Variants in ESS2 observed in about 807,000 individuals in gnomAD.
ESS2 encodes the protein splicing factor ESS-2 homolog.
A neutral mutation model predicts 52.0 loss-of-function variants in ESS2; 31 were observed. The ratio of observed to expected loss-of-function variants is 0.60; its 90% CI spans 0.45 to 0.81. The LOEUF (loss-of-function observed/expected upper bound fraction) is 0.81, where lower values mean the gene tolerates loss of function less well. Among genes scored for constraint, ESS2 ranks in the 30% least tolerant of loss-of-function variants. ESS2 has a pLI of 0.00. For missense variants in ESS2, 602 were observed against 637.2 expected, an observed-to-expected ratio of 0.94 and a Z score of 0.59; for synonymous variants, 285 against 259.2, an observed-to-expected ratio of 1.10 and a Z score of -0.95.
At chr22:19,141,532 TGAC>T (rs988983512) in intron 3 of ESS2, among the ~76,000 whole-genome samples, 27 of 152,340 alleles carry the variant, frequency 1.8e-4, no homozygotes, top group African/African-American at 6.3e-4. Context: ...ATGCTGAAGA[TGAC>T]AACTCTTTCA....
chr22:19,131,183 T>C lies in ESS2; in HGVS notation c.*3013A>G. The stretch of plus-strand genomic sequence containing the variant: ...CTGGCTTCCACGGTTCCAGAGACCC[T>C]GTTCTCCCTCAGCCCAGTCCCCGCC... On this transcript the variant is annotated 3_prime_UTR_variant, in exon 10 of 10. Coordinates refer to ENST00000252137, the MANE Select transcript of ESS2 (RefSeq NM_022719.3). The surrounding 1 kb of genome is among the most constrained non-coding windows in gnomAD (Gnocchi z 5.7). 1 of 541,620 alleles carries C rather than the reference T, an allele frequency of 1.8e-6. No homozygotes were observed. Among genetic ancestry groups the C allele is most frequent in the Non-Finnish European group, 3.3e-6 (1 of 306,058 alleles). 33.6% of individuals were successfully genotyped at this position (541,620 alleles called of 1,614,324 possible). A position where few individuals can be genotyped will look rare whatever the true frequency, so the allele number is the denominator to read the frequency against.
intron 8 of ESS2, among the ~76,000 whole-genome samples, chr22:19,137,081 C>G (rs1027378820): frequency 2.6e-5 from 4 of 152,166 alleles, no homozygotes; most frequent in Non-Finnish European, 5.9e-5. Context: ...ACCCGGCCTC[C>G]AGGATCCAGA....
chr22:19,134,059 C>T lies in ESS2; in HGVS notation c.*137G>A, dbSNP rs1373906027. On this transcript the variant is annotated 3_prime_UTR_variant, in exon 10 of 10. Coordinates refer to ENST00000252137, the MANE Select transcript of ESS2 (RefSeq NM_022719.3). ...TGCCAGTCTGGCCCCAGCACAGCCC[C>T]TTTCTCCAGTGACTCCTGGTATGGT... is the stretch of plus-strand genomic sequence containing the variant. 4 of 1,110,266 alleles carry T rather than the reference C, an allele frequency of 3.6e-6. No homozygotes were observed. Among genetic ancestry groups the T allele is most frequent in the Non-Finnish European group, 4.7e-6 (4 of 852,472 alleles). 68.8% of individuals were successfully genotyped at this position (1,110,266 alleles called of 1,614,324 possible).
intron 1 of ESS2, chr22:19,143,994 A>G: frequency 1.0e-6 from 1 of 981,736 alleles, no homozygotes; most frequent in Middle Eastern, 5.2e-4. Flanking sequence ...CCGTCCGTTA[A>G]AGCCATCCAT....
At chr22:19,144,285 CAA>C (rs1456236447) in intron 1 of ESS2, 1 of 1,323,812 alleles carries the variant, frequency 7.6e-7, no homozygotes, top group African/African-American at 1.5e-5. Flanking sequence ...CCGTCCCATA[CAA>C]AGAGAGCCGC....
Position 19,139,848 on chromosome 22 carries a change from G to C in ESS2, c.570+7C>G. 9 of 1,614,064 alleles carry C rather than the reference G, an allele frequency of 5.6e-6. No individual in the cohort carries two copies. In the South Asian group the frequency reaches 6.6e-5, roughly 12 times the overall value. ...CGCCTATGTGACACCCCAGACCCCA[G>C]AGACACCTTCTCAAACTCTTCCTCA... On this transcript the variant is annotated splice_region_variant and intron_variant, in intron 4 of 9. Coordinates refer to ENST00000252137, the MANE Select transcript of ESS2 (RefSeq NM_022719.3).
At chr22:19,143,302 C>G (rs943096181) in intron 1 of ESS2, among the ~76,000 whole-genome samples, 4 of 152,126 alleles carry the variant, frequency 2.6e-5, no homozygotes, top group African/African-American at 7.2e-5. Flanking sequence ...CTTGCTGAAC[C>G]TCCTTCAAAT....
Position 19,140,020 on chromosome 22 carries a change from C to A in ESS2, c.405G>T (p.Glu135Asp), listed in dbSNP as rs1306774936. 6.2e-7 allele frequency: 1 copy of A among 1,613,698 alleles called. No homozygotes were observed. ...GCTCCTTCTCCTCCTCCTCTCCAGC[C>A]TCTCCTGCTTAGGGGTTGCGGGAGG... Reference protein sequence around the residue: ...RPRGRGLEDGEAGEEEEKEPL... With the variant: ...RPRGRGLEDGDAGEEEEKEPL... The change falls in exon 4 of 10, where the codon GAG (glutamate) becomes GAT (aspartate). Residue 135 changes from glutamate (E) to aspartate (D), a missense_variant. Physicochemically the swap from Glu to Asp is conservative, Grantham distance 45. Transcript: ENST00000252137.
chr22:19,134,498 A>G (rs1375857207), intron 9 of ESS2, 23 bp from the exon 10 acceptor site: 2 of 1,510,196 alleles, frequency 1.3e-6, no homozygotes, highest in South Asian at 2.6e-5. Flanking sequence ...AATGGGTGAG[A>G]GAGGCAGGGT....
chr22:19,135,157 T>C lies in ESS2; in HGVS notation c.1054A>G (p.Arg352Gly). Reference sequence around the variant, plus strand: ...GCCATCTTCAGACCCAGCCGCTCCCTGCGGCCTGGCTCCAGGATCTACAAG... The same window carrying C: ...GCCATCTTCAGACCCAGCCGCTCCCCGCGGCCTGGCTCCAGGATCTACAAG... ...PAFKILEPGR[R>G]ERLGLKMANE... is the part of the protein sequence containing the mutation. The change falls in exon 9 of 10, where the codon AGG (arginine) becomes GGG (glycine). Residue 352 changes from arginine to glycine, a missense_variant. Arg to Gly is a moderately radical substitution (Grantham distance 125). Coordinates refer to ENST00000252137, the MANE Select transcript of ESS2 (RefSeq NM_022719.3). 1.9e-6 allele frequency: 3 copies of C among 1,613,358 alleles called. No individual in the cohort carries two copies. The highest frequency in any genetic ancestry group is 2.2e-5 in the South Asian group (2 of 91,006).
intron 9 of ESS2, among the ~76,000 whole-genome samples, 189 bp downstream of exon 9, chr22:19,134,871 G>T (rs890908338): frequency 6.6e-6 from 1 of 152,162 alleles, no homozygotes; most frequent in Non-Finnish European, 1.5e-5. Flanking sequence ...GATGGAGGGG[G>T]CCTCTCATCC....
chr22:19,130,653 G>A lies in ESS2; in HGVS notation c.*3543C>T, dbSNP rs1328494808. 2.3e-5 allele frequency: 7 copies of A among 304,254 alleles called. No individual in the cohort carries two copies. Among genetic ancestry groups the A allele is most frequent in the East Asian group, 2.1e-4 (2 of 9,446 alleles). The allele number at this position is 304,254 out of a possible 1,614,324, so 18.8% of individuals were successfully genotyped here. A position where few individuals can be genotyped will look rare whatever the true frequency, so the allele number is the denominator to read the frequency against. Reference sequence around the variant, plus strand: ...CCTTAACTTGTCTTCAGATTTTGTCGACCCGAGATGGGTCCTGGCACTAGG... The same window carrying A: ...CCTTAACTTGTCTTCAGATTTTGTCAACCCGAGATGGGTCCTGGCACTAGG... On this transcript the variant is annotated 3_prime_UTR_variant, in exon 10 of 10. Transcript: ENST00000252137.
In ESS2 at chr22:19,139,430, A is replaced by T; in HGVS notation, c.689-138T>A. 4.4e-6 allele frequency: 6 copies of T among 1,355,682 alleles called. No individual in the cohort carries two copies. The South Asian group carries it at 8.1e-5, about 18-fold the overall frequency. The allele number at this position is 1,355,682 out of a possible 1,614,324, so 84.0% of individuals were successfully genotyped here. A position where few individuals can be genotyped will look rare whatever the true frequency, so the allele number is the denominator to read the frequency against. ...AACGCAGGCCCCAGTGCCGCTGGAG[A>T]GGGTCTCACTCACTGCTGACCTCAC... On this transcript the variant is annotated intron_variant, in intron 5 of 9. Coordinates refer to ENST00000252137, the MANE Select transcript of ESS2 (RefSeq NM_022719.3).
intron 8 of ESS2, among the ~76,000 whole-genome samples, chr22:19,135,507 T>G (rs1235433542): frequency 6.6e-6 from 1 of 152,252 alleles, no homozygotes; most frequent in African/African-American, 2.4e-5. Context: ...CGCTTCCCCG[T>G]GTGCCTGTGG....
chr22:19,137,293 G>A (rs200149464), intron 8 of ESS2, 30 bp downstream of exon 8: 19 of 1,541,340 alleles, frequency 1.2e-5, no homozygotes, highest in African/African-American at 4.1e-5. Flanking sequence ...CACCCCGGTC[G>A]CACACAGTTC....
At chr22:19,135,276 T>A in intron 8 of ESS2, 101 bp from the exon 9 acceptor site, 1 of 943,848 alleles carries the variant, frequency 1.1e-6, no homozygotes, top group South Asian at 1.6e-5. Flanking sequence ...CCTCTCTTTG[T>A]TGCCTACAAA....
chr22:19,144,444 T>C, intron 1 of ESS2, 62 bp downstream of exon 1: 1 of 1,606,852 alleles, frequency 6.2e-7, no homozygotes, highest in Non-Finnish European at 8.5e-7. Context: ...AGAGGGAACC[T>C]GAGAGGAGCT....
At chr22:19,135,257 G>T in intron 8 of ESS2, 82 bp from the exon 9 acceptor site, 1 of 1,131,634 alleles carries the variant, frequency 8.8e-7, no homozygotes, top group Non-Finnish European at 1.3e-6. Flanking sequence ...CCACTGTGGT[G>T]GGTGCCAGCC....
Position 19,134,943 on chromosome 22 carries a change from C to T in ESS2, c.1151+117G>A, listed in dbSNP as rs534467842. On this transcript the variant is annotated intron_variant, in intron 9 of 9. Coordinates refer to ENST00000252137, the MANE Select transcript of ESS2 (RefSeq NM_022719.3). ...CCACAGTACCCACTGCAGAACCCCG[C>T]GGACCTGCCCTGGACTCTGCCGCGT... 75 of 924,944 alleles carry T rather than the reference C, an allele frequency of 8.1e-5. No individual in the cohort carries two copies. The African/African-American group carries it at 1.0e-3, about 12-fold the overall frequency. The allele number at this position is 924,944 out of a possible 1,614,324, so 57.3% of individuals were successfully genotyped here. A position where few individuals can be genotyped will look rare whatever the true frequency, so the allele number is the denominator to read the frequency against.
Sources: gnomAD v4.1 joint callset for allele counts (sites outside exome capture counted in the v4.1 genomes callset) on GRCh38, gnomAD v4.1.1 for gene constraint, Gnocchi (gnomAD v3.1) non-coding constraint, MANE v1.5 for transcripts, NCBI Gene and HGNC (gene_info 2026-07-23, HGNC 2026-07-21) for gene names.